The following CHFR variants were observed in gnomAD, a reference collection of about 807,000 sequenced individuals.
CHFR encodes checkpoint with forkhead and ring finger domains, also known as E3 ubiquitin-protein ligase CHFR.
In CHFR, 57 loss-of-function variants were observed where a neutral mutation model predicts 87.6. That is an observed-to-expected ratio of 0.65 (90% CI 0.53 to 0.81). The LOEUF (loss-of-function observed/expected upper bound fraction) is 0.81. CHFR is among the 30% of genes least tolerant of loss of function. CHFR has a pLI of 0.00. For missense variants in CHFR, 797 were observed against 865.8 expected, an observed-to-expected ratio of 0.92 and a Z score of 1.00; for synonymous variants, 381 against 359.2, an observed-to-expected ratio of 1.06 and a Z score of -0.69.
At chr12:132,844,216 G>T (rs994058055) in intron 15 of CHFR, 82 bp from the exon 16 acceptor site, 2 of 840,924 alleles carry the variant, frequency 2.4e-6, no homozygotes, top group East Asian at 2.6e-5. Flanking sequence ...GGAGACTAAC[G>T]CACTGACCAT....
At position 132,863,439 on chromosome 12, in the gene CHFR, G is replaced by C. The variant is rs1056926722; in HGVS notation, c.584-1805C>G. Among the ~76,000 whole-genome samples, 8 of 152,104 alleles carry C rather than the reference G, an allele frequency of 5.3e-5. No individual in the cohort carries two copies. The South Asian group carries it at 1.7e-3, about 32-fold the overall frequency. ...GAGAACTGCTTGAACCCAGGAGGCG[G>C]AGTTGCAGCGAACGAAGTTCGCGCC... On this transcript the variant is annotated intron_variant, in intron 6 of 17. Transcript: ENST00000450056.
At chr12:132,882,593 T>C (rs139572963) in intron 2 of CHFR, among the ~76,000 whole-genome samples, 173 of 152,216 alleles carry the variant, frequency 1.1e-3, no homozygotes, top group African/African-American at 3.7e-3. Flanking sequence ...GCTCTTCCCA[T>C]TCCATTGAGC....
In CHFR at chr12:132,840,101, G is replaced by T. The variant is rs567264574; in HGVS notation, c.*1453C>A. 3.2e-5 allele frequency: 5 copies of T among 155,236 alleles called. No individual in the cohort carries two copies. The highest frequency in any genetic ancestry group is 6.5e-5 in the Admixed American group (1 of 15,318). 9.6% of individuals were successfully genotyped at this position (155,236 alleles called of 1,614,324 possible). On this transcript the variant is annotated 3_prime_UTR_variant, in exon 18 of 18. Coordinates refer to ENST00000450056, the MANE Select transcript of CHFR (RefSeq NM_001161346.2). Reference sequence around the variant, plus strand: ...CAGCCCCACCCTTGCACAAACTCAGGGTCTCTGCATTGTGGCTTCTTCTGG... The same window carrying T: ...CAGCCCCACCCTTGCACAAACTCAGTGTCTCTGCATTGTGGCTTCTTCTGG...
chr12:132,846,540 G>A (rs2136927353), intron 15 of CHFR, among the ~76,000 whole-genome samples: 1 of 146,634 alleles, frequency 6.8e-6, no homozygotes, highest in East Asian at 2.0e-4. Context: ...AAAGTGCTGG[G>A]ATTACAGGCG....
At chr12:132,847,253 A>T in intron 14 of CHFR, 123 bp from the exon 15 acceptor site, 4 of 1,461,876 alleles carry the variant, frequency 2.7e-6, no homozygotes, top group Non-Finnish European at 3.6e-6. Context: ...TCAGACCCTT[A>T]TAAGTGGCAT....
chr12:132,859,159 C>T lies in CHFR; in HGVS notation c.820G>A (p.Glu274Lys), dbSNP rs144838296. ...TTCCCAGCCGCTGCTCTGACGTCCT[C>T]GTGGACGGTTTGGGCATTTCTACGC... ...QPRRNAQTVH[E>K]DVRAAAGKPD... is the part of the protein sequence containing the mutation. The change falls in exon 8 of 18, where the codon GAG becomes AAG. Residue 274 changes from glutamate (E) to lysine (K), a missense_variant. By Grantham distance (56) the Glu-to-Lys change is moderately conservative (BLOSUM62 1). Transcript: ENST00000450056. 108 of 1,613,998 alleles carry T rather than the reference C, an allele frequency of 6.7e-5. 1 individual carries two copies. Among genetic ancestry groups the T allele is most frequent in the Non-Finnish European group, 8.7e-5 (103 of 1,179,992 alleles).
At position 132,834,066 on chromosome 12, in the gene CHFR, A is replaced by G. The variant is rs957266472; in HGVS notation, c.*7488T>C. On this transcript the variant is annotated 3_prime_UTR_variant, in exon 18 of 18. Coordinates refer to ENST00000450056, the MANE Select transcript of CHFR (RefSeq NM_001161346.2). The stretch of plus-strand genomic sequence containing the variant: ...GAAGCCTGGGGCACTGAGGACAGCC[A>G]GCAGGATGACTCCTGGGGTTGGGCC... 6.6e-6 allele frequency: 1 copy of G among 152,414 alleles called. No individual in the cohort carries two copies. The highest frequency in any genetic ancestry group is 2.1e-4 in the South Asian group (1 of 4,830). The allele number at this position is 152,414 out of a possible 1,614,324, so 9.4% of individuals were successfully genotyped here.
intron 2 of CHFR, among the ~76,000 whole-genome samples, chr12:132,885,884 G>A (rs1180735508): frequency 6.6e-6 from 1 of 152,090 alleles, no homozygotes; most frequent in Non-Finnish European, 1.5e-5. Flanking sequence ...AAAGACAAAG[G>A]GAAAAATCTT....
At chr12:132,883,200 G>A (rs1951809092) in intron 2 of CHFR, among the ~76,000 whole-genome samples, 1 of 152,008 alleles carries the variant, frequency 6.6e-6, no homozygotes, top group Non-Finnish European at 1.5e-5. Flanking sequence ...GGCCGAGGCG[G>A]GAGGATCACC....
chr12:132,877,629 A>T lies in CHFR; in HGVS notation c.159T>A (p.Asn53Lys). 2.5e-6 allele frequency: 4 copies of T among 1,613,266 alleles called. No individual in the cohort carries two copies. The highest frequency in any genetic ancestry group is 3.4e-6 in the Non-Finnish European group (4 of 1,179,606). ...TACAGTGATCTCCAGAGACCAGTTT[A>T]TTGCTGGGGAAGGAAAGGTCGCAAC... ...RRGCDLSFPS[N>K]KLVSGDHCRI... is the part of the protein sequence containing the mutation. The change falls in exon 3 of 18, where the codon AAT becomes AAA. Residue 53 changes from asparagine to lysine, a missense_variant. Physicochemically the swap from Asn to Lys is moderately conservative, Grantham distance 94. Around this residue, in one of 2 missense-constraint regions of CHFR, gnomAD observed 597 missense variants for 601.2 expected, o/e 0.99. Transcript: ENST00000450056.
At chr12:132,860,710 A>G (rs1457912919) in intron 7 of CHFR, among the ~76,000 whole-genome samples, 1 of 152,196 alleles carries the variant, frequency 6.6e-6, no homozygotes, top group Non-Finnish European at 1.5e-5. Context: ...TTTAAGCTAC[A>G]TTTTTAGAAA....
In CHFR at chr12:132,870,791, AAAATCAATC is replaced by A. The variant is rs2137020134; in HGVS notation, c.344-17_344-9del. 6.3e-7 allele frequency: 1 copy of A among 1,594,122 alleles called. No homozygotes were observed. Among genetic ancestry groups the A allele is most frequent in the Non-Finnish European group, 8.6e-7 (1 of 1,162,476 alleles). On this transcript the variant is annotated splice_polypyrimidine_tract_variant and intron_variant, in intron 4 of 17. Transcript: ENST00000450056. Reference sequence around the variant, plus strand: ...CATAGAGGTATGCCACGTCTAAAAGAAAATCAATCAAATCAGAAAAGTGGTGGCCCCTGT... The same window carrying A: ...CATAGAGGTATGCCACGTCTAAAAGAAAATCAGAAAAGTGGTGGCCCCTGT...
intron 17 of CHFR, among the ~76,000 whole-genome samples, chr12:132,842,492 G>C (rs184471258): frequency 1.3e-5 from 2 of 152,304 alleles, no homozygotes; most frequent in East Asian, 3.9e-4. Context: ...ACTTTAATCT[G>C]AACTCCTTGG....
rs756050840 is a variant in CHFR, at chr12:132,887,332, G to C, written c.-4C>G. The stretch of plus-strand genomic sequence containing the variant: ...TGCCTTCCTCGGGCCGCTCCATCGG[G>C]ATTCACATCTGCGGAGACCCCGGAA... On this transcript the variant is annotated 5_prime_UTR_variant, in exon 2 of 18. In the 5' UTR this introduces an upstream ATG that the reference lacks. Coordinates refer to ENST00000450056, the MANE Select transcript of CHFR (RefSeq NM_001161346.2). 6.9e-7 allele frequency: 1 copy of C among 1,458,482 alleles called. No individual in the cohort carries two copies. The highest frequency in any genetic ancestry group is 1.3e-5 in the South Asian group (1 of 75,188). The allele number at this position is 1,458,482 out of a possible 1,614,324, so 90.3% of individuals were successfully genotyped here.
intron 16 of CHFR, among the ~76,000 whole-genome samples, 187 bp from the exon 17 acceptor site, chr12:132,843,270 C>T (rs1950740598): frequency 6.6e-6 from 1 of 151,958 alleles, no homozygotes; most frequent in South Asian, 2.1e-4. Context: ...AACTAAAAAC[C>T]CAACTGAGGG....
intron 4 of CHFR, among the ~76,000 whole-genome samples, chr12:132,871,109 T>C (rs1368498612): frequency 2.6e-5 from 4 of 152,264 alleles, no homozygotes; most frequent in Non-Finnish European, 2.9e-5. Flanking sequence ...ATGCTGAAGA[T>C]GCCTAAGACA....
Position 132,847,523 on chromosome 12 carries a change from G to A in CHFR, c.1648-393C>T, listed in dbSNP as rs530785070. ...GCCCTTCAAACACACACGAGCTGTTGAGCTCCTTCTGTGGGCATCAAAGCA... is the reference window on the plus strand; with the variant it reads ...GCCCTTCAAACACACACGAGCTGTTAAGCTCCTTCTGTGGGCATCAAAGCA... On this transcript the variant is annotated intron_variant, in intron 14 of 17. Transcript: ENST00000450056. The A allele has an allele frequency of 8.1e-4, 881 of 1,082,824 alleles. 1 individual carries two copies. The highest frequency in any genetic ancestry group is 9.5e-4 in the Non-Finnish European group (846 of 887,746). The allele number at this position is 1,082,824 out of a possible 1,614,324, so 67.1% of individuals were successfully genotyped here.
At chr12:132,853,894 C>T (rs1255388788) in intron 10 of CHFR, 6 of 341,014 alleles carry the variant, frequency 1.8e-5, no homozygotes, top group Admixed American at 5.4e-5. Flanking sequence ...AGCACGTGCG[C>T]GCACGCCCCG....
chr12:132,858,295 G>A (rs1951129264), intron 8 of CHFR, among the ~76,000 whole-genome samples: 1 of 152,140 alleles, frequency 6.6e-6, no homozygotes, highest in African/African-American at 2.4e-5. Context: ...GGGAGGTGGA[G>A]GTTGCAGTGA....
Sources: allele counts gnomAD v4.1 joint callset (sites outside exome capture counted in the v4.1 genomes callset), GRCh38; gene constraint gnomAD v4.1.1; regional missense constraint gnomAD v4.1.1; transcripts MANE v1.5; gene names NCBI Gene and HGNC (gene_info 2026-07-23, HGNC 2026-07-21).